The following SECISBP2 variants were observed in gnomAD, a reference collection of about 807,000 sequenced individuals.
The protein encoded by SECISBP2 is SECIS binding protein 2.
A neutral mutation model predicts 98.2 loss-of-function variants in SECISBP2; 96 were observed. That is an observed-to-expected ratio of 0.98 (90% CI 0.83 to 1.16). The LOEUF is 1.16. Ranked by LOEUF, SECISBP2 falls within the 50% of genes most tolerant of loss-of-function variation. The probability of loss-of-function intolerance (pLI) is 0.00; values close to 1 mark genes in which losing one functional copy is unlikely to be tolerated. For synonymous variants in SECISBP2, 407 were observed against 370.2 expected, an observed-to-expected ratio of 1.10 and a Z score of -1.14; for missense variants, 1,046 against 1,022.9, an observed-to-expected ratio of 1.02 and a Z score of -0.31.
intron 16 of SECISBP2, 78 bp downstream of exon 16, chr9:89,358,269 C>T (rs1235462153): frequency 7.0e-7 from 1 of 1,436,594 alleles, no homozygotes; most frequent in Non-Finnish European, 9.6e-7. Flanking sequence ...CCTAGGTGAG[C>T]AGCTTGACAA....
intron 4 of SECISBP2, among the ~76,000 whole-genome samples, chr9:89,328,325 T>G (rs1345873266): frequency 6.6e-6 from 1 of 152,182 alleles, no homozygotes; most frequent in East Asian, 1.9e-4. Context: ...CAATAGGAAT[T>G]TTTCAGCTTC....
At chr9:89,350,899 G>C in intron 14 of SECISBP2, 47 bp downstream of exon 14, 3 of 1,490,578 alleles carry the variant, frequency 2.0e-6, no homozygotes, top group Non-Finnish European at 2.8e-6. Context: ...CTGCATGAGT[G>C]CCTAGTGTGC....
Position 89,338,465 on chromosome 9 carries a change from C to A in SECISBP2, c.1097C>A (p.Ala366Glu). The change falls in exon 8 of 17, where the codon GCA (alanine) becomes GAA (glutamate). Residue 366 changes from alanine (A) to glutamate (E), a missense_variant. Physicochemically the swap from Ala to Glu is moderately radical, Grantham distance 107. Transcript: ENST00000375807. ...TTTGATTTTCTGTTCTAGTCTAAAG[C>A]ATCACAAGGTAGTGACCTTGAACAA... Reference protein sequence around the residue: ...HIIHPTQKSKASQGSDLEQNE... With the variant: ...HIIHPTQKSKESQGSDLEQNE... 1 of 1,613,402 alleles carries A rather than the reference C, an allele frequency of 6.2e-7. No homozygotes were observed. The highest frequency in any genetic ancestry group is 8.5e-7 in the Non-Finnish European group (1 of 1,179,882).
At position 89,359,290 on chromosome 9, in the gene SECISBP2, C is replaced by A; in HGVS notation, c.*466C>A. 1 of 191,384 alleles carries A rather than the reference C, an allele frequency of 5.2e-6. No homozygotes were observed. 11.9% of individuals were successfully genotyped at this position (191,384 alleles called of 1,614,324 possible). A position where few individuals can be genotyped will look rare whatever the true frequency, so the allele number is the denominator to read the frequency against. Reference sequence around the variant, plus strand: ...AGCCACTTGGCAGAAGGGTGCAGGGCTGCTGGTGTCAGAGCAAGAGGGCTA... The same window carrying A: ...AGCCACTTGGCAGAAGGGTGCAGGGATGCTGGTGTCAGAGCAAGAGGGCTA... On this transcript the variant is annotated 3_prime_UTR_variant, in exon 17 of 17. Transcript: ENST00000375807.
At chr9:89,361,453 C>T (rs977479594), downstream of SECISBP2, 1 of 152,132 alleles carries the variant, frequency 6.6e-6, no homozygotes, top group Non-Finnish European at 1.5e-5. Context: ...AACTGTCATT[C>T]AACAGACAAG....
At chr9:89,364,477 G>A (rs45572942), downstream of SECISBP2, 3,824 of 201,508 alleles carry the variant, frequency 0.019, 54 homozygotes, top group Non-Finnish European at 0.029. Flanking sequence ...GGGCTTGGAG[G>A]GGAGTAGATG....
At chr9:89,336,315 C>A (rs571196266) in intron 7 of SECISBP2, among the ~76,000 whole-genome samples, 2 of 151,686 alleles carry the variant, frequency 1.3e-5, no homozygotes, top group African/African-American at 2.4e-5. Context: ...AGATTACAGG[C>A]GTGAGCCACC....
chr9:89,366,956 A>ATGGG, the SECISBP2 span, among the ~76,000 whole-genome samples: 1 of 152,104 alleles, frequency 6.6e-6, no homozygotes, highest in Admixed American at 6.6e-5. Flanking sequence ...TTAATCACCC[A>ATGGG]ACGCCCCATC....
At chr9:89,344,349 C>A (rs1458063615) in intron 10 of SECISBP2, among the ~76,000 whole-genome samples, 1 of 152,162 alleles carries the variant, frequency 6.6e-6, no homozygotes, top group African/African-American at 2.4e-5. Context: ...GCTTTTGTTG[C>A]AGCTTTTGAT....
Position 89,341,386 on chromosome 9 carries a change from G to T in SECISBP2, c.1342G>T (p.Val448Leu), listed in dbSNP as rs139866436. 89 of 1,613,794 alleles carry T rather than the reference G, an allele frequency of 5.5e-5. No homozygotes were observed. The highest frequency in any genetic ancestry group is 7.1e-5 in the Non-Finnish European group (84 of 1,179,836). Residue 448 changes from valine (V) to leucine (L), a missense_variant, in exon 10 of 17, where the codon GTG becomes TTG. Physicochemically the swap from Val to Leu is conservative, Grantham distance 32 (BLOSUM62 1). Coordinates refer to ENST00000375807, the MANE Select transcript of SECISBP2 (RefSeq NM_024077.5). Reference sequence around the variant, plus strand: ...TAATGTAAAGAAGAGCCAGCTTCCAGTGCAGTTGGACTTGGGGGGCATGCT... The same window carrying T: ...TAATGTAAAGAAGAGCCAGCTTCCATTGCAGTTGGACTTGGGGGGCATGCT... ...KNNVKKSQLP[V>L]QLDLGGMLTA...
rs200450537 is a variant in SECISBP2, at chr9:89,358,038, C to T, written c.2308C>T (p.Arg770Ter). The change falls in exon 16 of 17, where the codon CGA (arginine) becomes TGA (stop). Residue 770 changes from arginine (R) to a stop codon, truncating the protein, a stop_gained. Transcript: ENST00000375807. LOFTEE classifies it high-confidence loss of function. ...GATGGTTGAGCTGACAGTGGCGGCC[C>T]GACAGGCGTACAAGACCATGCTGGA... ...HKMVELTVAA[R>*]QAYKTMLENV... 5.0e-6 allele frequency: 8 copies of T among 1,613,540 alleles called. No individual in the cohort carries two copies. In the East Asian group the frequency reaches 6.7e-5, roughly 13 times the overall value.
intron 11 of SECISBP2, among the ~76,000 whole-genome samples, 168 bp downstream of exon 11, chr9:89,347,216 G>T (rs1437827388): frequency 6.6e-6 from 1 of 152,190 alleles, no homozygotes; most frequent in Non-Finnish European, 1.5e-5. Flanking sequence ...CACCCTCCCA[G>T]TGTGACACGT....
chr9:89,321,773 T>A (rs754750517), intron 2 of SECISBP2, among the ~76,000 whole-genome samples: 1 of 152,192 alleles, frequency 6.6e-6, no homozygotes, highest in Non-Finnish European at 1.5e-5. Flanking sequence ...GGCATTAAGT[T>A]GAAGAGGAAG....
rs1434940952 is a variant in SECISBP2 at position 89,318,514 on chromosome 9, T to G, written c.-63T>G. 4 of 1,495,506 alleles carry G rather than the reference T, an allele frequency of 2.7e-6. No homozygotes were observed. Among genetic ancestry groups the G allele is most frequent in the Admixed American group, 4.0e-5 (2 of 49,528 alleles). The allele number at this position is 1,495,506 out of a possible 1,614,324, so 92.6% of individuals were successfully genotyped here. On this transcript the variant is annotated 5_prime_UTR_variant, in exon 1 of 17. Coordinates refer to ENST00000375807, the MANE Select transcript of SECISBP2 (RefSeq NM_024077.5). ...CCTGCGGGGGCGGAAACGCTTTGTC[T>G]GTCCGGCAAGCCGACGGCCCGCTGC... is the stretch of plus-strand genomic sequence containing the variant.
At chr9:89,334,377 T>C in intron 6 of SECISBP2, 145 bp from the exon 7 acceptor site, 1 of 848,482 alleles carries the variant, frequency 1.2e-6, no homozygotes, top group Non-Finnish European at 1.9e-6. Flanking sequence ...TAGTGACTAC[T>C]ATAGTTTCCA....
At chr9:89,347,176 G>A (rs1208353959) in intron 11 of SECISBP2, 128 bp downstream of exon 11, 21 of 934,614 alleles carry the variant, frequency 2.2e-5, no homozygotes, top group Admixed American at 1.2e-4. Context: ...GTAGTAAAAC[G>A]TGTTAATGAT....
At chr9:89,346,632 G>T (rs1221499175) in intron 10 of SECISBP2, among the ~76,000 whole-genome samples, 1 of 152,234 alleles carries the variant, frequency 6.6e-6, no homozygotes, top group Non-Finnish European at 1.5e-5. Context: ...GAAGGTAGGT[G>T]TTCCTAAATT....
intron 4 of SECISBP2, among the ~76,000 whole-genome samples, chr9:89,328,398 GC>G (rs1442937349): frequency 1.3e-5 from 2 of 152,234 alleles, no homozygotes; most frequent in East Asian, 3.9e-4. Flanking sequence ...CATATGTGGC[GC>G]GTGACTATAC....
chr9:89,320,757 T>C (rs200209417), intron 2 of SECISBP2, among the ~76,000 whole-genome samples: 2 of 152,250 alleles, frequency 1.3e-5, no homozygotes, highest in East Asian at 3.8e-4. Flanking sequence ...GGCTTCCTCT[T>C]GCAGCTGAAT....
Sources: allele counts gnomAD v4.1 joint callset (sites outside exome capture counted in the v4.1 genomes callset), GRCh38; gene constraint gnomAD v4.1.1; transcripts MANE v1.5; gene names NCBI Gene and HGNC (gene_info 2026-07-23, HGNC 2026-07-21).